Variants in ARHGAP25 observed in about 807,000 individuals in gnomAD.
ARHGAP25 encodes Rho GTPase activating protein 25, also known as rho GTPase-activating protein 25.
ARHGAP25 carries 34 observed loss-of-function variants against 71.0 expected under a neutral mutation model. The ratio of observed to expected loss-of-function variants is 0.48; its 90% CI spans 0.36 to 0.64. The LOEUF is 0.64. ARHGAP25 is among the 30% of genes least tolerant of loss of function. The pLI is 0.00. For missense variants in ARHGAP25, 706 were observed against 805.1 expected, an observed-to-expected ratio of 0.88 and a Z score of 1.49; for synonymous variants, 282 against 296.5, an observed-to-expected ratio of 0.95 and a Z score of 0.50.
intron 3 of ARHGAP25, among the ~76,000 whole-genome samples, chr2:68,782,945 C>T (rs1678449478): frequency 6.6e-6 from 1 of 152,244 alleles, no homozygotes; most frequent in Admixed American, 6.5e-5. Flanking sequence ...TCTGCTAGCC[C>T]TAGCCCTGCC....
intron 4 of ARHGAP25, among the ~76,000 whole-genome samples, chr2:68,801,261 G>A (rs2104429587): frequency 6.6e-6 from 1 of 152,270 alleles, no homozygotes; most frequent in South Asian, 2.1e-4. Context: ...TCATCATATG[G>A]GTGATATTTA....
intron 5 of ARHGAP25, among the ~76,000 whole-genome samples, chr2:68,811,962 T>C (rs1312065835): frequency 2.6e-5 from 4 of 152,226 alleles, no homozygotes; most frequent in African/African-American, 4.8e-5. Context: ...GTTTTATCAA[T>C]ATGAAATAAA....
rs200227083 is a variant in ARHGAP25, at chr2:68,810,715, TC to T, written c.675-2571del. Among the ~76,000 whole-genome samples the T allele has an allele frequency of 7.4e-3, 653 of 87,906 alleles. 10 individuals carry two copies. Among genetic ancestry groups the T allele is most frequent in the Admixed American group, 0.073 (465 of 6,362 alleles). The allele number at this position is 87,906 out of a possible 152,430, so 57.7% of individuals were successfully genotyped here. A position where few individuals can be genotyped will look rare whatever the true frequency, so the allele number is the denominator to read the frequency against. On this transcript the variant is annotated intron_variant, in intron 5 of 10. Transcript: ENST00000409202. Reference sequence around the variant, plus strand: ...CTTCAAAAGTTCAAAAGATCCAATTTCTTTTCTTTTCTTCTCTTTTTTTTTT... The same window carrying T: ...CTTCAAAAGTTCAAAAGATCCAATTTTTTTCTTTTCTTCTCTTTTTTTTTT...
chr2:68,815,441 C>G (rs1413295205), intron 6 of ARHGAP25, among the ~76,000 whole-genome samples: 1 of 117,666 alleles, frequency 8.5e-6, no homozygotes, highest in African/African-American at 3.2e-5. Context: ...ATTGTGTACT[C>G]TCTTTTTTTT....
intron 1 of ARHGAP25, among the ~76,000 whole-genome samples, chr2:68,773,674 G>A (rs989296791): frequency 1.3e-5 from 2 of 152,192 alleles, no homozygotes; most frequent in Admixed American, 1.3e-4. Flanking sequence ...ATGAGGAGAT[G>A]TTGGCAATTT....
chr2:68,808,879 G>A (rs1228598952), intron 5 of ARHGAP25, among the ~76,000 whole-genome samples: 1 of 152,190 alleles, frequency 6.6e-6, no homozygotes, highest in Non-Finnish European at 1.5e-5. Context: ...ATGGGTGGTG[G>A]TGTGGGAATC....
intron 2 of ARHGAP25, among the ~76,000 whole-genome samples, chr2:68,720,330 A>G (rs73933325): frequency 0.14 from 21,412 of 148,092 alleles, 1,820 homozygotes; most frequent in East Asian, 0.32. Flanking sequence ...AAAAAAAAAA[A>G]AAAGAAAAGA....
chr2:68,787,560 A>G (rs1032974473), intron 3 of ARHGAP25, among the ~76,000 whole-genome samples: 17 of 152,352 alleles, frequency 1.1e-4, no homozygotes, highest in African/African-American at 3.6e-4. Context: ...TCCTTTTGGT[A>G]GGAAATGACT....
In ARHGAP25 at chr2:68,812,894, G is replaced by A. The variant is rs1434251291; in HGVS notation, c.675-393G>A. Among the ~76,000 whole-genome samples the A allele has an allele frequency of 3.3e-5, 5 of 152,328 alleles. No homozygotes were observed. The East Asian group carries it at 9.7e-4, about 29-fold the overall frequency. ...TTTAAGCACTCTGGAAGATTAAAGA[G>A]AAGAATGGACCAAGGATATAAAGGA... On this transcript the variant is annotated intron_variant, in intron 5 of 10. Transcript: ENST00000409202.
chr2:68,770,330 A>G (rs529279705), intron 1 of ARHGAP25, among the ~76,000 whole-genome samples: 2 of 152,192 alleles, frequency 1.3e-5, no homozygotes, highest in African/African-American at 4.8e-5. Context: ...CCCTTTTCAA[A>G]TCCATTTAAA....
intron 2 of ARHGAP25, among the ~76,000 whole-genome samples, chr2:68,728,155 C>T (rs1465359980): frequency 6.6e-6 from 1 of 152,150 alleles, no homozygotes; most frequent in African/African-American, 2.4e-5. Flanking sequence ...ACTACATCAT[C>T]GGATGTTTCA....
intron 6 of ARHGAP25, among the ~76,000 whole-genome samples, chr2:68,814,982 G>A (rs1269759164): frequency 6.6e-6 from 1 of 152,142 alleles, no homozygotes; most frequent in Non-Finnish European, 1.5e-5. Context: ...TATGGAATAA[G>A]GTTTAAAAGG....
chr2:68,781,244 G>A (rs1237073530), intron 2 of ARHGAP25, among the ~76,000 whole-genome samples: 1 of 152,088 alleles, frequency 6.6e-6, no homozygotes, highest in East Asian at 1.9e-4. Flanking sequence ...CAAAAAATTA[G>A]CCAGACGCAG....
intron 2 of ARHGAP25, among the ~76,000 whole-genome samples, chr2:68,722,118 C>T (rs1467007670): frequency 6.6e-6 from 1 of 152,228 alleles, no homozygotes; most frequent in African/African-American, 2.4e-5. Context: ...CCCCAGCTGG[C>T]TCAAGTTGGC....
intron 1 of ARHGAP25, among the ~76,000 whole-genome samples, chr2:68,737,857 C>T (rs1675299460): frequency 6.6e-6 from 1 of 152,096 alleles, no homozygotes; most frequent in Non-Finnish European, 1.5e-5. Context: ...TCCAGTTTCC[C>T]CAGAATCTTG....
At chr2:68,735,291 G>A in intron 1 of ARHGAP25, 31 bp downstream of exon 1, 8 of 1,602,260 alleles carry the variant, frequency 5.0e-6, no homozygotes, top group Non-Finnish European at 6.8e-6. Flanking sequence ...TTGCCTCTGT[G>A]ATTCTTACGT....
At chr2:68,737,981 A>G (rs1227671959) in intron 1 of ARHGAP25, among the ~76,000 whole-genome samples, 2 of 152,202 alleles carry the variant, frequency 1.3e-5, no homozygotes, top group African/African-American at 4.8e-5. Context: ...TGAGTCCACT[A>G]CCATGAGTCT....
At chr2:68,771,261 T>C (rs1211628263) in intron 1 of ARHGAP25, among the ~76,000 whole-genome samples, 1 of 152,156 alleles carries the variant, frequency 6.6e-6, no homozygotes, top group Non-Finnish European at 1.5e-5. Flanking sequence ...ACTGAGCAAC[T>C]GCCTTCCCAC....
chr2:68,762,414 GA>G (rs1573462948), intron 1 of ARHGAP25, among the ~76,000 whole-genome samples: 1 of 152,046 alleles, frequency 6.6e-6, no homozygotes, highest in South Asian at 2.1e-4. Flanking sequence ...AAATAATTGG[GA>G]AAAAATAAAT....
Sources: allele counts gnomAD v4.1 joint callset (sites outside exome capture counted in the v4.1 genomes callset), GRCh38; gene constraint gnomAD v4.1.1; transcripts MANE v1.5; gene names NCBI Gene and HGNC (gene_info 2026-07-23, HGNC 2026-07-21).